CIMIP5: variants seen among roughly 807,000 people sequenced by gnomAD.
The protein encoded by CIMIP5 is uncharacterized protein C2orf50.
the CIMIP5 span, among the ~76,000 whole-genome samples, chr2:11,137,577 G>A: frequency 6.6e-6 from 1 of 152,222 alleles, no homozygotes; most frequent in East Asian, 1.9e-4. Context: ...ACTCCCAGAG[G>A]AGAGAATGGG....
the CIMIP5 span, among the ~76,000 whole-genome samples, chr2:11,148,801 T>C: frequency 6.9e-6 from 1 of 144,400 alleles, no homozygotes; most frequent in Admixed American, 7.1e-5. Flanking sequence ...GATAGTGCGA[T>C]CTCGCTCACT....
the CIMIP5 span, chr2:11,143,861 C>A: frequency 7.2e-7 from 1 of 1,393,852 alleles, no homozygotes; most frequent in East Asian, 2.5e-5. Flanking sequence ...TGTTTTCTCC[C>A]ATTCTAAGGT....
At chr2:11,137,643 A>T in the CIMIP5 span, among the ~76,000 whole-genome samples, 1 of 152,216 alleles carries the variant, frequency 6.6e-6, no homozygotes, top group East Asian at 1.9e-4. Flanking sequence ...AAAGAAATGC[A>T]TGAGTCCACA....
chr2:11,143,668 C>T, the CIMIP5 span, among the ~76,000 whole-genome samples: 1 of 151,936 alleles, frequency 6.6e-6, no homozygotes, highest in Non-Finnish European at 1.5e-5. Flanking sequence ...CCCTTGATCT[C>T]TGCAGGTCGC....
chr2:11,144,035 C>T, the CIMIP5 span: 1 of 1,606,966 alleles, frequency 6.2e-7, no homozygotes, highest in Non-Finnish European at 8.5e-7. Context: ...CTGGGACAGA[C>T]TCTCATCCGC....
chr2:11,133,453 G>A, the CIMIP5 span: 1 of 1,610,298 alleles, frequency 6.2e-7, no homozygotes, highest in South Asian at 1.1e-5. Context: ...ATGGCCAGCA[G>A]GGGTCTTGCT....
chr2:11,150,833 G>C, the CIMIP5 span, among the ~76,000 whole-genome samples: 1 of 151,168 alleles, frequency 6.6e-6, no homozygotes, highest in East Asian at 1.9e-4. Flanking sequence ...TTCCTTGTGG[G>C]CCTCAAGATC....
At chr2:11,149,754 C>T in the CIMIP5 span, among the ~76,000 whole-genome samples, 3 of 151,874 alleles carry the variant, frequency 2.0e-5, no homozygotes, top group Non-Finnish European at 4.4e-5. Context: ...TAAAAAAAGT[C>T]AATGTCATAA....
At chr2:11,147,202 A>G in the CIMIP5 span, among the ~76,000 whole-genome samples, 31 of 152,282 alleles carry the variant, frequency 2.0e-4, no homozygotes, top group East Asian at 5.8e-3. Flanking sequence ...AGGTTTGGAA[A>G]CTAAGCCGAA....
the CIMIP5 span, chr2:11,143,886 G>A: frequency 3.3e-6 from 5 of 1,495,434 alleles, no homozygotes; most frequent in East Asian, 2.4e-5. Context: ...CTTTTTCCAC[G>A]CTCTGTGTGA....
the CIMIP5 span, among the ~76,000 whole-genome samples, chr2:11,142,004 G>A: frequency 5.3e-5 from 8 of 152,026 alleles, no homozygotes; most frequent in South Asian, 4.1e-4. Context: ...GGTGGCTCAC[G>A]CCTGTAATCT....
At chr2:11,154,368 G>A in the CIMIP5 span, among the ~76,000 whole-genome samples, 84 of 151,894 alleles carry the variant, frequency 5.5e-4, no homozygotes, top group African/African-American at 1.7e-3. Context: ...TTCCATAGGC[G>A]GAGGTGATGG....
At chr2:11,133,678 C>T in the CIMIP5 span, 1 of 1,506,640 alleles carries the variant, frequency 6.6e-7, no homozygotes, top group Non-Finnish European at 8.8e-7. Flanking sequence ...GATGGGAGGG[C>T]AAATGATCTG....
the CIMIP5 span, among the ~76,000 whole-genome samples, chr2:11,148,916 T>C: frequency 6.6e-6 from 1 of 151,790 alleles, no homozygotes; most frequent in Non-Finnish European, 1.5e-5. Context: ...GTATTTTTAG[T>C]AGAGACGGGG....
At chr2:11,144,225 C>T in the CIMIP5 span, 1 of 833,910 alleles carries the variant, frequency 1.2e-6, no homozygotes, top group Non-Finnish European at 1.8e-6. Context: ...TCTGCACTGT[C>T]TGTAAGCTGC....
the CIMIP5 span, chr2:11,133,652 G>T: frequency 3.2e-6 from 5 of 1,541,106 alleles, no homozygotes; most frequent in Non-Finnish European, 4.4e-6. Flanking sequence ...GTTGGGGAAG[G>T]TTTTGGAGAA....
At chr2:11,142,923 T>C in the CIMIP5 span, among the ~76,000 whole-genome samples, 1 of 152,046 alleles carries the variant, frequency 6.6e-6, no homozygotes, top group Non-Finnish European at 1.5e-5. Flanking sequence ...GGTCTCACCA[T>C]GTTGCCCAGG....
the CIMIP5 span, among the ~76,000 whole-genome samples, chr2:11,150,147 C>G: frequency 6.6e-6 from 1 of 151,910 alleles, no homozygotes; most frequent in South Asian, 2.1e-4. Context: ...GGGGTTTCAC[C>G]ATTCTGGCCG....
chr2:11,151,130 T>C, the CIMIP5 span, among the ~76,000 whole-genome samples: 3 of 152,222 alleles, frequency 2.0e-5, no homozygotes, highest in Non-Finnish European at 4.4e-5. Context: ...TTGTCTCTTA[T>C]CTACCTATGA....
Sources: gnomAD v4.1 joint callset for allele counts (sites outside exome capture counted in the v4.1 genomes callset) on GRCh38, gnomAD v4.1.1 for gene constraint, MANE v1.5 for transcripts, NCBI Gene and HGNC (gene_info 2026-07-23, HGNC 2026-07-21) for gene names.